Variants in PRKCE observed in about 807,000 individuals in gnomAD.
PRKCE encodes protein kinase C epsilon type.
In PRKCE, 16 loss-of-function variants were observed where a neutral mutation model predicts 85.4. The ratio of observed to expected loss-of-function variants is 0.19; its 90% confidence interval spans 0.13 to 0.28. The LOEUF (loss-of-function observed/expected upper bound fraction) is 0.28, where lower values mean the gene tolerates loss of function less well. Among genes scored for constraint, PRKCE ranks in the 10% least tolerant of loss-of-function variants. PRKCE has a pLI of 1.00. For missense variants in PRKCE, 573 were observed against 975.2 expected, an observed-to-expected ratio of 0.59 and a Z score of 5.49; for synonymous variants, 388 against 371.5, an observed-to-expected ratio of 1.04 and a Z score of -0.51.
At chr2:46,070,530 C>G (rs1334588853) in intron 10 of PRKCE, among the ~76,000 whole-genome samples, 2 of 152,034 alleles carry the variant, frequency 1.3e-5, no homozygotes, top group Admixed American at 1.3e-4. Flanking sequence ...GTAGTCCCAG[C>G]TTTTCAGGAG....
intron 2 of PRKCE, among the ~76,000 whole-genome samples, chr2:45,927,074 G>C (rs939582628): frequency 6.6e-6 from 1 of 151,858 alleles, no homozygotes; most frequent in Non-Finnish European, 1.5e-5. Context: ...ATGTGCATAT[G>C]TGCACATGTG....
At chr2:45,677,837 C>G in intron 1 of PRKCE, 1 of 985,440 alleles carries the variant, frequency 1.0e-6, no homozygotes. Flanking sequence ...TTCAGAGACA[C>G]AACCGCTTCA....
chr2:46,172,131 T>C (rs537352788), intron 14 of PRKCE, among the ~76,000 whole-genome samples: 2 of 152,362 alleles, frequency 1.3e-5, no homozygotes, highest in East Asian at 3.9e-4. Context: ...TGTGGCTCTC[T>C]GCCGTCCTCC....
At chr2:45,738,184 A>G (rs1413965523) in intron 1 of PRKCE, among the ~76,000 whole-genome samples, 1 of 152,210 alleles carries the variant, frequency 6.6e-6, no homozygotes, top group African/African-American at 2.4e-5. Flanking sequence ...AATTATGTTA[A>G]TTAAAATCAT....
intron 2 of PRKCE, among the ~76,000 whole-genome samples, chr2:45,885,752 G>A (rs945748163): frequency 5.9e-5 from 9 of 152,168 alleles, no homozygotes; most frequent in Admixed American, 2.0e-4. Context: ...ATATTGCAGT[G>A]TAAAATGGTT....
chr2:45,845,783 G>C (rs1158670709), intron 2 of PRKCE: 3 of 152,176 alleles, frequency 2.0e-5, no homozygotes, highest in African/African-American at 7.2e-5. Flanking sequence ...CACTATAGTG[G>C]AATCTGGCCA....
At chr2:45,995,280 T>TTTTG (rs562638414) in intron 6 of PRKCE, among the ~76,000 whole-genome samples, 14 of 152,252 alleles carry the variant, frequency 9.2e-5, no homozygotes, top group South Asian at 2.1e-4. Flanking sequence ...TTTGTTTGTT[T>TTTTG]TTTGTTTGTT....
In PRKCE at chr2:46,184,827, C is replaced by G; in HGVS notation, c.2160C>G (p.Ile720Met). Residue 720 changes from isoleucine to methionine, a missense_variant, in exon 15 of 15, where the codon ATC becomes ATG. Physicochemically the swap from Ile to Met is conservative, Grantham distance 10. Coordinates refer to ENST00000306156, the MANE Select transcript of PRKCE (RefSeq NM_005400.3). This position sits in a 1 kb window ranked among gnomAD's most constrained non-coding sequence, Gnocchi z 5.0. Reference protein sequence around the residue: ...TLVDEAIVKQINQEEFKGFSY... With the variant: ...TLVDEAIVKQMNQEEFKGFSY... ...TGGACGAAGCAATTGTAAAGCAGAT[C>G]AACCAGGAGGAATTCAAAGGTTTCT... 6.3e-7 allele frequency: 1 copy of G among 1,599,784 alleles called. No individual in the cohort carries two copies. Among genetic ancestry groups the G allele is most frequent in the Non-Finnish European group, 8.5e-7 (1 of 1,179,964 alleles).
intron 1 of PRKCE, among the ~76,000 whole-genome samples, chr2:45,781,314 G>A (rs1252090143): frequency 6.6e-6 from 1 of 152,162 alleles, no homozygotes; most frequent in Non-Finnish European, 1.5e-5. Context: ...TCCGGCATGG[G>A]TGACAGAGCA....
chr2:45,817,432 G>A (rs773228616), intron 1 of PRKCE, among the ~76,000 whole-genome samples: 4 of 152,106 alleles, frequency 2.6e-5, no homozygotes, highest in East Asian at 1.9e-4. Flanking sequence ...GGTGGCTCAC[G>A]CTTGTAATCC....
chr2:45,852,819 G>A (rs1194029500), intron 2 of PRKCE, among the ~76,000 whole-genome samples: 2 of 152,148 alleles, frequency 1.3e-5, no homozygotes, highest in Non-Finnish European at 2.9e-5. Flanking sequence ...TTTACATATT[G>A]GAAAAGTGAG....
chr2:45,856,995 A>G (rs1384241738), intron 2 of PRKCE, among the ~76,000 whole-genome samples: 2 of 152,242 alleles, frequency 1.3e-5, no homozygotes, highest in African/African-American at 4.8e-5. Flanking sequence ...GCTGTTGTGA[A>G]TAGTGCTGCA....
At chr2:46,140,710 C>G (rs534510445) in intron 11 of PRKCE, among the ~76,000 whole-genome samples, 1 of 152,204 alleles carries the variant, frequency 6.6e-6, no homozygotes, top group South Asian at 2.1e-4. Flanking sequence ...CATGACAAAA[C>G]CACCATAAGC....
chr2:46,113,569 C>A (rs765541169), intron 11 of PRKCE, among the ~76,000 whole-genome samples: 1 of 152,130 alleles, frequency 6.6e-6, no homozygotes, highest in Non-Finnish European at 1.5e-5. Flanking sequence ...TTGGACCTGA[C>A]GAAGGCAGAG....
At chr2:45,655,718 C>A (rs1675345052) in intron 1 of PRKCE, among the ~76,000 whole-genome samples, 1 of 151,902 alleles carries the variant, frequency 6.6e-6, no homozygotes, top group African/African-American at 2.4e-5. Flanking sequence ...TGCCTGTAGT[C>A]CCAGCTACTC....
intron 11 of PRKCE, among the ~76,000 whole-genome samples, chr2:46,128,486 C>T (rs577382028): frequency 6.6e-6 from 1 of 152,270 alleles, no homozygotes; most frequent in East Asian, 1.9e-4. Context: ...GGAACCTGAA[C>T]CTAAGTGAGA....
chr2:45,728,853 G>A (rs1205504492), intron 1 of PRKCE, among the ~76,000 whole-genome samples: 7 of 152,204 alleles, frequency 4.6e-5, no homozygotes, highest in Admixed American at 3.9e-4. Flanking sequence ...AGGTTAGAGA[G>A]GTTGAGTAAT....
intron 1 of PRKCE, among the ~76,000 whole-genome samples, chr2:45,745,488 T>C (rs1573176364): frequency 6.6e-6 from 1 of 152,230 alleles, no homozygotes; most frequent in East Asian, 1.9e-4. Context: ...AGACCTGATC[T>C]CTACCTGGCT....
At chr2:45,819,742 A>G (rs1386253713) in intron 1 of PRKCE, among the ~76,000 whole-genome samples, 2 of 152,250 alleles carry the variant, frequency 1.3e-5, no homozygotes, top group African/African-American at 2.4e-5. Context: ...GCCATCGACT[A>G]GAGCTTTGAA....
Sources: allele counts gnomAD v4.1 joint callset (sites outside exome capture counted in the v4.1 genomes callset), GRCh38; gene constraint gnomAD v4.1.1; non-coding constraint Gnocchi (gnomAD v3.1); transcripts MANE v1.5; gene names NCBI Gene and HGNC (gene_info 2026-07-23, HGNC 2026-07-21).